The following SGCD variants were observed in gnomAD, a reference collection of about 807,000 sequenced individuals.
The protein encoded by SGCD is delta-sarcoglycan.
In SGCD, 18 loss-of-function variants were observed where a neutral mutation model predicts 36.6. The ratio of observed to expected loss-of-function variants is 0.49; its 90% CI spans 0.34 to 0.73. The LOEUF (loss-of-function observed/expected upper bound fraction) is 0.73. SGCD is among the 30% of genes least tolerant of loss of function. SGCD has a pLI of 0.01. For synonymous variants in SGCD, 133 were observed against 130.6 expected (o/e 1.02, Z -0.12); for missense variants, 387 against 346.7 (o/e 1.12, Z -0.92).
intron 3 of SGCD, among the ~76,000 whole-genome samples, chr5:156,256,040 C>G (rs943333255): frequency 2.0e-5 from 3 of 152,108 alleles, no homozygotes; most frequent in African/African-American, 7.2e-5. Flanking sequence ...CACATTATAT[C>G]TAAATATGCT....
chr5:155,779,849 T>C, the SGCD span, among the ~76,000 whole-genome samples: 1 of 152,306 alleles, frequency 6.6e-6, no homozygotes, highest in East Asian at 1.9e-4. Context: ...GTAGTGGGTA[T>C]GAAGGGATAT....
chr5:156,500,952 A>G (rs1451275241), intron 3 of SGCD, among the ~76,000 whole-genome samples: 1 of 152,186 alleles, frequency 6.6e-6, no homozygotes, highest in African/African-American at 2.4e-5. Flanking sequence ...ACCAGTGGGA[A>G]GGCCTCTGGG....
At chr5:156,737,876 G>A (rs1455475905) in intron 7 of SGCD, among the ~76,000 whole-genome samples, 7 of 152,064 alleles carry the variant, frequency 4.6e-5, no homozygotes, top group South Asian at 2.1e-4. Flanking sequence ...GGTCCCCATC[G>A]CGAGTTAGTG....
chr5:156,273,919 C>T (rs1374799791), intron 3 of SGCD, among the ~76,000 whole-genome samples: 2 of 152,108 alleles, frequency 1.3e-5, no homozygotes, highest in African/African-American at 4.8e-5. Context: ...CAATTCTATT[C>T]TCAGGGATTG....
intron 3 of SGCD, among the ~76,000 whole-genome samples, chr5:156,492,685 G>A (rs1052382827): frequency 5.9e-5 from 9 of 152,088 alleles, no homozygotes; most frequent in Admixed American, 5.9e-4. Flanking sequence ...ATCTACATTA[G>A]GTATTTCTCC....
chr5:156,623,621 T>A (rs1762336727), intron 6 of SGCD, among the ~76,000 whole-genome samples: 2 of 152,194 alleles, frequency 1.3e-5, no homozygotes, highest in African/African-American at 4.8e-5. Flanking sequence ...TGATGTGAGC[T>A]GATCAGAGGT....
intron 1 of SGCD, among the ~76,000 whole-genome samples, chr5:155,949,297 A>G (rs998182710): frequency 6.6e-6 from 1 of 152,238 alleles, no homozygotes; most frequent in Non-Finnish European, 1.5e-5. Flanking sequence ...TTTTATTAAT[A>G]TACATAGCCT....
intron 4 of SGCD, among the ~76,000 whole-genome samples, chr5:156,548,590 T>A (rs1259890707): frequency 6.6e-6 from 1 of 152,180 alleles, no homozygotes; most frequent in African/African-American, 2.4e-5. Flanking sequence ...GGGCATGTGA[T>A]CTTCACCAAG....
At chr5:156,261,983 TAAG>T in intron 3 of SGCD, among the ~76,000 whole-genome samples, 2 of 152,280 alleles carry the variant, frequency 1.3e-5, no homozygotes, top group Middle Eastern at 6.8e-3. Context: ...TAAGTGTCAT[TAAG>T]AAGGAGTAAA....
In SGCD at chr5:155,953,083, C is replaced by T. The variant is rs544428580; in HGVS notation, c.-282+82659C>T. ...CTGTGTTCATTTTTCGCTGACCTCA[C>T]TCGCCCAGTTATCAAGCCTCCTCAT... is the stretch of plus-strand genomic sequence containing the variant. On this transcript the variant is annotated intron_variant, in intron 1 of 9. Transcript: ENST00000517913. Among the ~76,000 whole-genome samples, 3 of 152,222 alleles carry T rather than the reference C, an allele frequency of 2.0e-5. No homozygotes were observed. In the South Asian group the frequency reaches 6.2e-4, roughly 32 times the overall value.
At chr5:156,487,959 A>ATT (rs1169787201) in intron 3 of SGCD, among the ~76,000 whole-genome samples, 1 of 55,066 alleles carries the variant, frequency 1.8e-5, no homozygotes, top group Non-Finnish European at 3.5e-5. Flanking sequence ...TGTAACATAT[A>ATT]TTATATATAT....
chr5:156,132,908 G>T (rs997929680), intron 3 of SGCD, among the ~76,000 whole-genome samples: 5 of 152,166 alleles, frequency 3.3e-5, no homozygotes, highest in African/African-American at 4.8e-5. Context: ...CAGCAGAAGG[G>T]AATCATGATT....
At chr5:156,625,380 A>G (rs1296889375) in intron 6 of SGCD, among the ~76,000 whole-genome samples, 1 of 152,210 alleles carries the variant, frequency 6.6e-6, no homozygotes, top group Non-Finnish European at 1.5e-5. Context: ...AAAATAATGT[A>G]TGTTTGTCTT....
At chr5:155,854,583 G>A in the SGCD span, among the ~76,000 whole-genome samples, 175 of 152,168 alleles carry the variant, frequency 1.2e-3, 1 homozygote, top group African/African-American at 4.0e-3. Context: ...TGGACCAAAT[G>A]TTTCTGCTAT....
At chr5:156,501,510 C>G (rs1277352252) in intron 3 of SGCD, among the ~76,000 whole-genome samples, 1 of 152,196 alleles carries the variant, frequency 6.6e-6, no homozygotes, top group Admixed American at 6.5e-5. Context: ...ATTAAAACAA[C>G]TAACCAATCT....
At chr5:156,011,352 C>T (rs1758856527) in intron 1 of SGCD, among the ~76,000 whole-genome samples, 1 of 152,054 alleles carries the variant, frequency 6.6e-6, no homozygotes, top group South Asian at 2.1e-4. Flanking sequence ...CTTAAGTTTA[C>T]TGAACTCTGG....
At chr5:156,106,197 T>C (rs770811399) in intron 1 of SGCD, among the ~76,000 whole-genome samples, 1 of 148,322 alleles carries the variant, frequency 6.7e-6, no homozygotes, top group Non-Finnish European at 1.5e-5. Flanking sequence ...AATCTGAAGA[T>C]GATCTGCTTA....
rs1290138937 is a variant in SGCD at position 156,051,460 on chromosome 5, TG to T, written c.-281-66417del. Among the ~76,000 whole-genome samples the T allele has an allele frequency of 1.4e-5, 2 of 146,414 alleles. 1 individual carries two copies. Among genetic ancestry groups the T allele is most frequent in the Non-Finnish European group, 3.1e-5 (2 of 64,970 alleles). The stretch of plus-strand genomic sequence containing the variant: ...GGGAGCTGTCTGCTTTTTGGCAAAC[TG>T]AATAACTATATATAATATACCCAGT... On this transcript the variant is annotated intron_variant, in intron 1 of 9. Coordinates refer to the SGCD transcript ENST00000517913.
intron 3 of SGCD, among the ~76,000 whole-genome samples, chr5:156,439,327 G>C (rs138408267): frequency 2.6e-5 from 4 of 152,204 alleles, no homozygotes; most frequent in African/African-American, 9.6e-5. Context: ...GTGACATTGT[G>C]CTTCAGGACG....
Sources: allele counts gnomAD v4.1 joint callset (sites outside exome capture counted in the v4.1 genomes callset), GRCh38; gene constraint gnomAD v4.1.1; transcripts MANE v1.5; gene names NCBI Gene and HGNC (gene_info 2026-07-23, HGNC 2026-07-21).